The following ICE1 variants were observed in gnomAD, a reference collection of about 807,000 sequenced individuals.
The protein encoded by ICE1 is little elongation complex subunit 1.
ICE1 carries 64 observed loss-of-function variants against 192.7 expected under a neutral mutation model. The ratio of observed to expected loss-of-function variants is 0.33; its 90% confidence interval spans 0.27 to 0.41. The LOEUF is 0.41. Among genes scored for constraint, ICE1 ranks in the 10% least tolerant of loss-of-function variants. The probability of loss-of-function intolerance (pLI) is 1.00; values close to 1 mark genes in which losing one functional copy is unlikely to be tolerated. For synonymous variants in ICE1, 1,010 were observed against 984.5 expected (o/e 1.03, Z -0.49); for missense variants, 2,708 against 2,696.0 (o/e 1.00, Z -0.10).
chr5:5,430,723 C>T (rs952447582), intron 1 of ICE1, among the ~76,000 whole-genome samples: 1 of 152,204 alleles, frequency 6.6e-6, no homozygotes, highest in Non-Finnish European at 1.5e-5. Flanking sequence ...CTAAGCATAT[C>T]TCTTCTTTCT....
chr5:5,422,911 G>A lies in ICE1; in HGVS notation c.-5G>A, dbSNP rs1579528202. On this transcript the variant is annotated 5_prime_UTR_variant, in exon 1 of 19. Transcript: ENST00000296564. ...TGCGTGCCCACCGGGCCCGGCGGCGGCACCATGATGCCGGGCGAGACCCAT... is the reference window on the plus strand; with the variant it reads ...TGCGTGCCCACCGGGCCCGGCGGCGACACCATGATGCCGGGCGAGACCCAT... The A allele has an allele frequency of 3.6e-6, 5 of 1,396,398 alleles. No individual in the cohort carries two copies. In the East Asian group the frequency reaches 1.6e-4, roughly 44 times the overall value. 86.5% of individuals were successfully genotyped at this position (1,396,398 alleles called of 1,614,324 possible).
intron 3 of ICE1, among the ~76,000 whole-genome samples, chr5:5,439,299 C>T (rs1294351517): frequency 6.6e-6 from 1 of 152,034 alleles, no homozygotes; most frequent in Non-Finnish European, 1.5e-5. Flanking sequence ...CGTACATGTC[C>T]TATATTGTGA....
At chr5:5,426,452 A>C (rs1661002481) in intron 1 of ICE1, among the ~76,000 whole-genome samples, 1 of 152,014 alleles carries the variant, frequency 6.6e-6, no homozygotes, top group Non-Finnish European at 1.5e-5. Flanking sequence ...CGTCTCAAAA[A>C]AAAAAAAAAA....
chr5:5,427,050 T>G (rs1400388329), intron 1 of ICE1, among the ~76,000 whole-genome samples: 1 of 152,224 alleles, frequency 6.6e-6, no homozygotes, highest in Non-Finnish European at 1.5e-5. Flanking sequence ...GTGGTTTGCT[T>G]GCACTGAAAA....
chr5:5,463,717 CATCCCAG>C lies in ICE1; in HGVS notation c.4384_4390del (p.Ile1462Ter). On this transcript the variant is annotated frameshift_variant, in exon 13 of 19. Transcript: ENST00000296564. LOFTEE classifies it high-confidence loss of function. ...ATCAAGGAGAGCTGGAAGCTGGTTG[CATCCCAG>C]TGACTTCTGCTGAGAAGTCCCCAGA... The C allele has an allele frequency of 6.2e-7, 1 of 1,613,904 alleles. No individual in the cohort carries two copies. Among genetic ancestry groups the C allele is most frequent in the Non-Finnish European group, 8.5e-7 (1 of 1,179,852 alleles).
rs1461851829 is a variant in ICE1 at position 5,466,255 on chromosome 5, T to C, written c.5893-79T>C. On this transcript the variant is annotated intron_variant, in intron 13 of 18. Transcript: ENST00000296564. ...ATTTTTTCAATAGATACTTAAGTTTTGTAACTTTTAGATAATCTTTGGTAG... is the reference window on the plus strand; with the variant it reads ...ATTTTTTCAATAGATACTTAAGTTTCGTAACTTTTAGATAATCTTTGGTAG... 5.3e-6 allele frequency: 7 copies of C among 1,326,852 alleles called. No individual in the cohort carries two copies. In the African/African-American group the frequency reaches 1.0e-4, roughly 20 times the overall value. The allele number at this position is 1,326,852 out of a possible 1,614,324, so 82.2% of individuals were successfully genotyped here. A position where few individuals can be genotyped will look rare whatever the true frequency, so the allele number is the denominator to read the frequency against.
chr5:5,489,195 C>G lies in ICE1; in HGVS notation c.6666C>G (p.Asp2222Glu). The G allele has an allele frequency of 6.2e-7, 1 of 1,613,914 alleles. No individual in the cohort carries two copies. The highest frequency in any genetic ancestry group is 8.5e-7 in the Non-Finnish European group (1 of 1,179,878). Residue 2222 changes from aspartate to glutamate, a missense_variant, in exon 19 of 19, where the codon GAC becomes GAG. This residue lies in a region of ICE1 where 342 missense variants were observed against 419.3 expected (regional missense o/e 0.82). Coordinates refer to ENST00000296564, the MANE Select transcript of ICE1 (RefSeq NM_015325.3). ...TAGCAGCCGTGTATGCTCTTTGTGACTTGAGTCCCAGCAATCCAGCAGAAA... is the reference window on the plus strand; with the variant it reads ...TAGCAGCCGTGTATGCTCTTTGTGAGTTGAGTCCCAGCAATCCAGCAGAAA... ...IQLAAVYALC[D>E]LSPSNPAEIS... is the part of the protein sequence containing the mutation.
intron 11 of ICE1, among the ~76,000 whole-genome samples, chr5:5,456,096 G>A (rs374929206): frequency 6.6e-5 from 10 of 152,286 alleles, no homozygotes; most frequent in South Asian, 4.1e-4. Context: ...TGGCAAGAAC[G>A]TCACAGTGGT....
At position 5,461,587 on chromosome 5, in the gene ICE1, A is replaced by G; in HGVS notation, c.2253A>G (p.Gln751=). 6.2e-7 allele frequency: 1 copy of G among 1,613,300 alleles called. No individual in the cohort carries two copies. The highest frequency in any genetic ancestry group is 8.5e-7 in the Non-Finnish European group (1 of 1,179,566). The change falls in exon 13 of 19, where the codon CAA becomes CAG. Residue 751 remains glutamine (Q), a synonymous_variant. Transcript: ENST00000296564. ...SVFMKATKDG[Q]CESQDPRIEL... ...TTATGAAAGCTACAAAAGATGGGCA[A>G]TGTGAAAGTCAAGATCCAAGAATTG...
chr5:5,438,239 C>T (rs3111176), intron 3 of ICE1, among the ~76,000 whole-genome samples: 60,021 of 151,752 alleles, frequency 0.4, 12,939 homozygotes, highest in African/African-American at 0.57. Flanking sequence ...GAGAACAGCA[C>T]TGGGGGACTG....
chr5:5,431,098 T>G (rs115418964), intron 1 of ICE1, among the ~76,000 whole-genome samples: 3,386 of 152,220 alleles, frequency 0.022, 127 homozygotes, highest in African/African-American at 0.077. Context: ...GGAATAGGAA[T>G]GTGAATCTGA....
At chr5:5,430,699 A>G (rs189357311) in intron 1 of ICE1, among the ~76,000 whole-genome samples, 86 of 152,296 alleles carry the variant, frequency 5.6e-4, no homozygotes, top group African/African-American at 1.9e-3. Flanking sequence ...TTACTGCCCC[A>G]TACTCCACCA....
chr5:5,441,308 G>C, intron 5 of ICE1, 85 bp downstream of exon 5: 1 of 840,134 alleles, frequency 1.2e-6, no homozygotes, highest in East Asian at 2.7e-5. Context: ...GGGGGCTTTT[G>C]ATGTGTTAAA....
At chr5:5,445,282 T>A (rs925285958) in intron 7 of ICE1, among the ~76,000 whole-genome samples, 6 of 152,334 alleles carry the variant, frequency 3.9e-5, no homozygotes, top group Admixed American at 2.0e-4. Flanking sequence ...ATTTTTCCTC[T>A]GGTTTGATTA....
intron 17 of ICE1, among the ~76,000 whole-genome samples, chr5:5,477,396 G>A (rs369675481): frequency 5.1e-4 from 77 of 152,266 alleles, no homozygotes; most frequent in African/African-American, 1.8e-3. Context: ...AGAAGAAATG[G>A]ATAAATTCCT....
chr5:5,479,471 A>G (rs1739434559), intron 17 of ICE1, among the ~76,000 whole-genome samples: 1 of 152,232 alleles, frequency 6.6e-6, no homozygotes, highest in Non-Finnish European at 1.5e-5. Context: ...GTGGAGAAAT[A>G]GGAATGCTTC....
intron 17 of ICE1, 102 bp downstream of exon 17, chr5:5,476,181 C>T (rs944921790): frequency 1.6e-6 from 1 of 612,458 alleles, no homozygotes; most frequent in Non-Finnish European, 2.7e-6. Flanking sequence ...TTGAAAATTT[C>T]TGATTTTACA....
chr5:5,429,360 A>G (rs1737629143), intron 1 of ICE1, among the ~76,000 whole-genome samples: 1 of 152,172 alleles, frequency 6.6e-6, no homozygotes, highest in Non-Finnish European at 1.5e-5. Flanking sequence ...CCGAGTCCTC[A>G]GGTGACAGCC....
At chr5:5,435,678 G>GTTTT (rs796599483) in intron 1 of ICE1, among the ~76,000 whole-genome samples, 1 of 116,734 alleles carries the variant, frequency 8.6e-6, no homozygotes, top group African/African-American at 3.1e-5. Context: ...TTTTTGTTTT[G>GTTTT]TTTTTGTTTT....
Sources: allele counts gnomAD v4.1 joint callset (sites outside exome capture counted in the v4.1 genomes callset), GRCh38; gene constraint gnomAD v4.1.1; regional missense constraint gnomAD v4.1.1; transcripts MANE v1.5; gene names NCBI Gene and HGNC (gene_info 2026-07-23, HGNC 2026-07-21).